The following FAT4 variants were observed in gnomAD, a reference collection of about 807,000 sequenced individuals.
FAT4 encodes FAT atypical cadherin 4, also known as protocadherin Fat 4.
In FAT4, 84 loss-of-function variants were observed where a neutral mutation model predicts 303.9. The ratio of observed to expected loss-of-function variants is 0.28; its 90% CI spans 0.23 to 0.33. The LOEUF (loss-of-function observed/expected upper bound fraction) is 0.33. Ranked by LOEUF, FAT4 falls within the 10% of genes least tolerant of loss-of-function variation. The probability of loss-of-function intolerance (pLI) is 1.00; values close to 1 mark genes in which losing one functional copy is unlikely to be tolerated. For missense variants in FAT4, 6,005 were observed against 6,146.8 expected (o/e 0.98, Z 0.77); for synonymous variants, 2,307 against 2,298.8 (o/e 1.00, Z -0.10).
intron 8 of FAT4, 37 bp downstream of exon 8, chr4:125,434,462 C>T (rs772886666): frequency 6.3e-7 from 1 of 1,579,452 alleles, no homozygotes; most frequent in South Asian, 1.1e-5. Context: ...TGTCTGTTTT[C>T]TCATTAAACA....
chr4:125,434,403 G>A lies in FAT4; in HGVS notation c.7177G>A (p.Ala2393Thr), dbSNP rs1725380463. The A allele has an allele frequency of 1.2e-6, 2 of 1,613,868 alleles. No individual in the cohort carries two copies. Among genetic ancestry groups the A allele is most frequent in the Non-Finnish European group, 1.7e-6 (2 of 1,179,952 alleles). ...ATTGGTAAATGCCTCAGATGCTGAT[G>A]CTTCAAAGAATGCAGTTATAAGGTC... ...VLLVNASDAD[A>T]SKNAVISYRI... is the part of the protein sequence containing the mutation. Residue 2393 changes from alanine (A) to threonine (T), a missense_variant, in exon 8 of 18, where the codon GCT becomes ACT. Physicochemically the swap from Ala to Thr is moderately conservative, Grantham distance 58. Coordinates refer to ENST00000394329, the MANE Select transcript of FAT4 (RefSeq NM_001291303.3).
intron 7 of FAT4, among the ~76,000 whole-genome samples, chr4:125,426,622 T>A (rs556319524): frequency 6.6e-6 from 1 of 152,188 alleles, no homozygotes; most frequent in East Asian, 1.9e-4. Context: ...TATTTCTACA[T>A]AGAATTTTAT....
intron 2 of FAT4, among the ~76,000 whole-genome samples, chr4:125,332,857 G>T (rs1031200233): frequency 1.3e-5 from 2 of 151,964 alleles, no homozygotes; most frequent in Admixed American, 6.6e-5. Context: ...CGTTTTCCTG[G>T]ACAGAAAAGT....
chr4:125,431,236 CA>C (rs1156446156), intron 7 of FAT4, among the ~76,000 whole-genome samples: 5 of 152,166 alleles, frequency 3.3e-5, no homozygotes, highest in Non-Finnish European at 5.9e-5. Context: ...TGAATTACAG[CA>C]CAATGTGTAT....
chr4:125,461,264 C>A (rs1400933036), intron 10 of FAT4, among the ~76,000 whole-genome samples: 15 of 151,864 alleles, frequency 9.9e-5, no homozygotes, highest in Non-Finnish European at 1.8e-4. Flanking sequence ...ACAAAAAGAA[C>A]AACACGTAAA....
At chr4:125,459,756 G>A (rs1726418897) in intron 10 of FAT4, among the ~76,000 whole-genome samples, 1 of 152,052 alleles carries the variant, frequency 6.6e-6, no homozygotes, top group African/African-American at 2.4e-5. Context: ...TTGACTTGTA[G>A]CATTAATTAA....
rs1166557347 is a variant in FAT4, at chr4:125,316,203, C to T, written c.-12-197C>T. Among the ~76,000 whole-genome samples the T allele has an allele frequency of 6.6e-6, 1 of 152,278 alleles. No homozygotes were observed. Among genetic ancestry groups the T allele is most frequent in the East Asian group, 1.9e-4 (1 of 5,150 alleles). On this transcript the variant is annotated intron_variant, in intron 1 of 17. Transcript: ENST00000394329. This position sits in a 1 kb window ranked among gnomAD's most constrained non-coding sequence, Gnocchi z 5.7. ...GCCCTGCCGCTTTTCGCCACAGCATCTCTCTTGCACTCCGCGTTCAACTGG... is the reference window on the plus strand; with the variant it reads ...GCCCTGCCGCTTTTCGCCACAGCATTTCTCTTGCACTCCGCGTTCAACTGG...
chr4:125,385,170 C>T (rs911454404), intron 2 of FAT4, among the ~76,000 whole-genome samples: 9 of 151,360 alleles, frequency 5.9e-5, no homozygotes, highest in East Asian at 2.0e-4. Flanking sequence ...TACAGGCTCC[C>T]GCCACCACAC....
At position 125,451,126 on chromosome 4, in the gene FAT4, T is replaced by C; in HGVS notation, c.10116T>C (p.Ser3372=). ...ATCGAGAAAAAGAAGAAAGGGTGTC[T>C]TTGAAGGTATTGGCCAAGAACTTTG... ...ILDREKEERV[S]LKVLAKNFGS... The change falls in exon 10 of 18, where the codon TCT becomes TCC. Residue 3372 remains serine (S), a synonymous_variant. Coordinates refer to ENST00000394329, the MANE Select transcript of FAT4 (RefSeq NM_001291303.3). The C allele has an allele frequency of 6.2e-7, 1 of 1,614,100 alleles. No homozygotes were observed. The highest frequency in any genetic ancestry group is 1.6e-4 in the Middle Eastern group (1 of 6,062).
At chr4:125,387,935 A>G (rs950789362) in intron 2 of FAT4, among the ~76,000 whole-genome samples, 4 of 152,186 alleles carry the variant, frequency 2.6e-5, no homozygotes, top group African/African-American at 9.6e-5. Flanking sequence ...AAAGGCCTAC[A>G]AAAATTCACT....
chr4:125,453,876 G>A (rs1560619195), intron 10 of FAT4, among the ~76,000 whole-genome samples: 1 of 152,140 alleles, frequency 6.6e-6, no homozygotes, highest in African/African-American at 2.4e-5. Context: ...ACCCTAGTGG[G>A]ATATGATGTC....
chr4:125,390,926 A>G (rs764212644), intron 2 of FAT4, among the ~76,000 whole-genome samples: 1 of 152,190 alleles, frequency 6.6e-6, no homozygotes, highest in Non-Finnish European at 1.5e-5. Context: ...AAAAAGCTCA[A>G]CATCACTGAT....
chr4:125,394,080 C>T lies in FAT4; in HGVS notation c.5176-4704C>T, dbSNP rs893294958. The T allele has an allele frequency of 9.5e-6, 7 of 740,548 alleles. No individual in the cohort carries two copies. In the African/African-American group the frequency reaches 1.0e-4, roughly 11 times the overall value. 45.9% of individuals were successfully genotyped at this position (740,548 alleles called of 1,614,324 possible). A position where few individuals can be genotyped will look rare whatever the true frequency, so the allele number is the denominator to read the frequency against. ...GAAACCACACACATTTTTAAAGGAC[C>T]AGATATCTAAGCACAAAGGTCAACA... On this transcript the variant is annotated intron_variant, in intron 2 of 17. Transcript: ENST00000394329.
intron 10 of FAT4, among the ~76,000 whole-genome samples, chr4:125,461,242 A>G (rs1726471919): frequency 6.6e-6 from 1 of 152,082 alleles, no homozygotes; most frequent in Admixed American, 6.6e-5. Flanking sequence ...GAATTGATTC[A>G]TATAATTATA....
chr4:125,454,528 A>G (rs556290399), intron 10 of FAT4, among the ~76,000 whole-genome samples: 1 of 148,248 alleles, frequency 6.7e-6, no homozygotes, highest in African/African-American at 2.6e-5. Context: ...GAGTAAATAT[A>G]ATGTTTGTAA....
chr4:125,383,448 C>T (rs1176835690), intron 2 of FAT4, among the ~76,000 whole-genome samples: 1 of 152,132 alleles, frequency 6.6e-6, no homozygotes, highest in Non-Finnish European at 1.5e-5. Flanking sequence ...ATCCAGTTCA[C>T]TGTCTTATAT....
intron 10 of FAT4, among the ~76,000 whole-genome samples, chr4:125,462,322 T>C (rs986092081): frequency 2.0e-5 from 3 of 151,972 alleles, no homozygotes; most frequent in African/African-American, 7.2e-5. Context: ...GTTGTGCATA[T>C]AGAATGCATA....
At chr4:125,384,404 A>C in intron 2 of FAT4, among the ~76,000 whole-genome samples, 1 of 152,314 alleles carries the variant, frequency 6.6e-6, no homozygotes, top group Admixed American at 6.5e-5. Flanking sequence ...CATATCTCAA[A>C]TGACTAATGA....
At chr4:125,355,691 T>G (rs1048322916) in intron 2 of FAT4, among the ~76,000 whole-genome samples, 1 of 152,054 alleles carries the variant, frequency 6.6e-6, no homozygotes, top group Non-Finnish European at 1.5e-5. Context: ...TCTGGTGATG[T>G]AGAGGTGGTA....
Sources: gnomAD v4.1 joint callset for allele counts (sites outside exome capture counted in the v4.1 genomes callset) on GRCh38, gnomAD v4.1.1 for gene constraint, Gnocchi (gnomAD v3.1) non-coding constraint, MANE v1.5 for transcripts, NCBI Gene and HGNC (gene_info 2026-07-23, HGNC 2026-07-21) for gene names.